AKAP7: variants seen among roughly 807,000 people sequenced by gnomAD.
AKAP7 encodes the protein A kinase (PRKA) anchor protein 7.
In AKAP7, 39 loss-of-function variants were observed where a neutral mutation model predicts 39.5. That is an observed-to-expected ratio of 0.99 (90% CI 0.76 to 1.29). AKAP7 has a LOEUF of 1.29. Ranked by LOEUF, AKAP7 falls within the 50% of genes most tolerant of loss-of-function variation. The probability of loss-of-function intolerance (pLI) is 0.00; values close to 1 mark genes in which losing one functional copy is unlikely to be tolerated. For synonymous variants in AKAP7, 140 were observed against 139.1 expected (o/e 1.01, Z -0.05); for missense variants, 414 against 407.7 (o/e 1.02, Z -0.13).
At chr6:131,179,195 A>G (rs1055248988) in intron 5 of AKAP7, among the ~76,000 whole-genome samples, 2 of 151,518 alleles carry the variant, frequency 1.3e-5, no homozygotes, top group Non-Finnish European at 2.9e-5. Flanking sequence ...TTGTTTTGAG[A>G]TGGAGTCTCG....
intron 7 of AKAP7, among the ~76,000 whole-genome samples, chr6:131,232,237 A>T (rs1810685727): frequency 6.6e-6 from 1 of 152,218 alleles, no homozygotes; most frequent in Non-Finnish European, 1.5e-5. Context: ...ATGCAGTAGT[A>T]AGGTATTTCA....
intron 6 of AKAP7, among the ~76,000 whole-genome samples, chr6:131,204,892 C>A (rs1158515015): frequency 6.6e-6 from 1 of 152,054 alleles, no homozygotes; most frequent in Non-Finnish European, 1.5e-5. Context: ...AGACTGAAGC[C>A]AGATGGTGTC....
intron 7 of AKAP7, among the ~76,000 whole-genome samples, chr6:131,259,850 G>A (rs1368682775): frequency 1.3e-5 from 2 of 152,094 alleles, no homozygotes; most frequent in African/African-American, 4.8e-5. Flanking sequence ...GTGCAGGTTT[G>A]TTAGGTAAAT....
chr6:131,264,902 A>G (rs1813657746), intron 7 of AKAP7, among the ~76,000 whole-genome samples: 1 of 152,128 alleles, frequency 6.6e-6, no homozygotes, highest in African/African-American at 2.4e-5. Flanking sequence ...TTAAACAACC[A>G]GATCTCACAT....
rs1270564477 is a variant in AKAP7, at chr6:131,152,001, G to GA, written c.151+6591dup. 2.0e-5 allele frequency among the ~76,000 whole-genome samples: 3 copies of GA among 152,036 alleles called. No individual in the cohort carries two copies. The East Asian group carries it at 5.8e-4, about 29-fold the overall frequency. On this transcript the variant is annotated intron_variant, in intron 2 of 7. Coordinates refer to ENST00000431975, the MANE Select transcript of AKAP7 (RefSeq NM_016377.4). ...TTTTGAGGGAATAAATAGAACTTGA[G>GA]AAAAAATTAGATAATTTACATAAAA...
chr6:131,202,940 G>A (rs1807738619), intron 6 of AKAP7, among the ~76,000 whole-genome samples: 1 of 152,044 alleles, frequency 6.6e-6, no homozygotes, highest in African/African-American at 2.4e-5. Context: ...AAGTCAGCCG[G>A]CGTACTGGTT....
intron 7 of AKAP7, among the ~76,000 whole-genome samples, chr6:131,259,624 G>A (rs558777855): frequency 5.3e-5 from 8 of 152,224 alleles, no homozygotes; most frequent in African/African-American, 1.9e-4. Flanking sequence ...TATGTTTGCA[G>A]TAAATCTTGT....
At chr6:131,211,582 G>A (rs1371065025) in intron 6 of AKAP7, among the ~76,000 whole-genome samples, 1 of 151,228 alleles carries the variant, frequency 6.6e-6, no homozygotes, top group African/African-American at 2.4e-5. Context: ...TGGCTAATAC[G>A]GTGAAACCCC....
At chr6:131,224,700 G>T (rs1347183586) in intron 7 of AKAP7, among the ~76,000 whole-genome samples, 1 of 130,642 alleles carries the variant, frequency 7.7e-6, no homozygotes, top group African/African-American at 3.0e-5. Flanking sequence ...TAGTATATAT[G>T]CTACGTTTGT....
At chr6:131,151,941 G>C (rs1801954810) in intron 2 of AKAP7, among the ~76,000 whole-genome samples, 1 of 152,176 alleles carries the variant, frequency 6.6e-6, no homozygotes, top group Non-Finnish European at 1.5e-5. Flanking sequence ...ACGGATGGAT[G>C]ACTTAATTTT....
intron 5 of AKAP7, among the ~76,000 whole-genome samples, chr6:131,183,223 A>G (rs1337606101): frequency 6.6e-6 from 1 of 152,210 alleles, no homozygotes; most frequent in Non-Finnish European, 1.5e-5. Context: ...ACTCCAGGGT[A>G]TGCTGGCATG....
At chr6:131,232,268 C>T (rs1459023576) in intron 7 of AKAP7, among the ~76,000 whole-genome samples, 1 of 152,058 alleles carries the variant, frequency 6.6e-6, no homozygotes, top group Non-Finnish European at 1.5e-5. Context: ...GTGGAGCCTT[C>T]AGTTGGAAGT....
At position 131,199,550 on chromosome 6, in the gene AKAP7, A is replaced by G. The variant is rs373824308; in HGVS notation, c.679A>G (p.Lys227Glu). 4.4e-6 allele frequency: 7 copies of G among 1,609,162 alleles called. No homozygotes were observed. Among genetic ancestry groups the G allele is most frequent in the African/African-American group, 1.3e-5 (1 of 74,824 alleles). The change falls in exon 6 of 8, where the codon AAA becomes GAA. Residue 227 changes from lysine to glutamate, a missense_variant. Coordinates refer to ENST00000431975, the MANE Select transcript of AKAP7 (RefSeq NM_016377.4). ...KPHLTFMKLSKSPWLRKNGVK... is the reference protein window; with the variant it reads ...KPHLTFMKLSESPWLRKNGVK... ...TCATTTGACCTTCATGAAGTTGTCA[A>G]AATCACCGTGGCTCCGTAAGAATGT...
At chr6:131,232,553 C>A (rs1038475450) in intron 7 of AKAP7, among the ~76,000 whole-genome samples, 2 of 152,168 alleles carry the variant, frequency 1.3e-5, no homozygotes, top group Non-Finnish European at 2.9e-5. Context: ...ACTGGCCGGC[C>A]GGTGGCTCAC....
upstream of AKAP7, among the ~76,000 whole-genome samples, chr6:131,131,350 C>T (rs752361508): frequency 2.2e-4 from 33 of 152,248 alleles, no homozygotes; most frequent in Middle Eastern, 3.4e-3. Flanking sequence ...AGGAGCCAGA[C>T]ATTGCTCTTC....
chr6:131,131,671 CAG>C (rs1332770961), upstream of AKAP7, among the ~76,000 whole-genome samples: 1 of 151,942 alleles, frequency 6.6e-6, no homozygotes, highest in Non-Finnish European at 1.5e-5. Context: ...ATGTATGAAA[CAG>C]AAAAATGTGG....
chr6:131,164,935 T>C (rs968440134), intron 3 of AKAP7, 146 bp from the exon 4 acceptor site: 9 of 616,622 alleles, frequency 1.5e-5, no homozygotes, highest in Non-Finnish European at 1.9e-5. Context: ...AAGTAGACAA[T>C]TAAGCATTCA....
chr6:131,248,598 A>G (rs1812217192), intron 7 of AKAP7, among the ~76,000 whole-genome samples: 1 of 152,154 alleles, frequency 6.6e-6, no homozygotes, highest in Non-Finnish European at 1.5e-5. Context: ...GGGTGAAGAA[A>G]CTGAGGTCCA....
chr6:131,201,302 C>T (rs566514314), intron 6 of AKAP7, among the ~76,000 whole-genome samples: 4 of 152,156 alleles, frequency 2.6e-5, no homozygotes, highest in Non-Finnish European at 5.9e-5. Flanking sequence ...TGAGTGCCTA[C>T]TATGTGCCAG....
Sources: allele counts gnomAD v4.1 joint callset (sites outside exome capture counted in the v4.1 genomes callset), GRCh38; gene constraint gnomAD v4.1.1; transcripts MANE v1.5; gene names NCBI Gene and HGNC (gene_info 2026-07-23, HGNC 2026-07-21).